Variants in ULK4 observed in about 807,000 individuals in gnomAD.
ULK4 encodes the protein inactive serine/threonine-protein kinase ULK4.
A neutral mutation model predicts 160.6 loss-of-function variants in ULK4; 133 were observed. That is an observed-to-expected ratio of 0.83 (90% CI 0.72 to 0.96). The LOEUF is 0.96. Among genes scored for constraint, ULK4 ranks in the 40% least tolerant of loss-of-function variants. ULK4 has a pLI of 0.00. For synonymous variants in ULK4, 534 were observed against 539.8 expected (o/e 0.99, Z 0.15); for missense variants, 1,580 against 1,499.5 (o/e 1.05, Z -0.89).
chr3:41,795,482 A>G (rs1298488629), intron 20 of ULK4, among the ~76,000 whole-genome samples: 1 of 152,140 alleles, frequency 6.6e-6, no homozygotes, highest in East Asian at 1.9e-4. Flanking sequence ...CTTGCAATCA[A>G]CAGGCCTGGT....
intron 19 of ULK4, among the ~76,000 whole-genome samples, chr3:41,806,084 G>T: frequency 1.4e-5 from 2 of 145,472 alleles, no homozygotes; most frequent in African/African-American, 5.2e-5. Context: ...TGTACCTCTG[G>T]TAGAATTCGG....
At position 41,772,764 on chromosome 3, in the gene ULK4, C is replaced by G. The variant is rs528805195; in HGVS notation, c.2193+16897G>C. 6.3e-4 allele frequency among the ~76,000 whole-genome samples: 96 copies of G among 152,218 alleles called. 1 individual carries two copies. Among genetic ancestry groups the G allele is most frequent in the African/African-American group, 2.0e-3 (85 of 41,532 alleles). On this transcript the variant is annotated intron_variant, in intron 21 of 36. Coordinates refer to ENST00000301831, the MANE Select transcript of ULK4 (RefSeq NM_017886.4). ...ATACCAAAGCCTGGCAGAGACACAA[C>G]CAAAAAAGAGAATTTTAGACCAATA...
intron 16 of ULK4, among the ~76,000 whole-genome samples, chr3:41,887,740 G>A (rs1240739221): frequency 6.7e-6 from 1 of 149,692 alleles, no homozygotes; most frequent in Admixed American, 6.8e-5. Flanking sequence ...AGAATCGCTT[G>A]AACCCAGGAG....
intron 29 of ULK4, among the ~76,000 whole-genome samples, chr3:41,666,811 T>C (rs970737904): frequency 3.9e-5 from 6 of 152,090 alleles, no homozygotes; most frequent in Non-Finnish European, 7.4e-5. Context: ...AGAAAATATA[T>C]CTTAAAATAG....
At chr3:41,649,145 A>T (rs77346763) in intron 30 of ULK4, among the ~76,000 whole-genome samples, 1 of 151,736 alleles carries the variant, frequency 6.6e-6, no homozygotes, top group Non-Finnish European at 1.5e-5. Flanking sequence ...AAAAAAAAAA[A>T]GCCAGAAGAA....
In ULK4 at chr3:41,506,767, A is replaced by AAAAAAAAAAAAAAAAAAATATAT; in HGVS notation, c.3227-43515_3227-43514insATATATTTTTTTTTTTTTTTTTT. On this transcript the variant is annotated intron_variant, in intron 32 of 36. Coordinates refer to ENST00000301831, the MANE Select transcript of ULK4 (RefSeq NM_017886.4). The stretch of plus-strand genomic sequence containing the variant: ...AGCAATACACTGGAGTGTGATTTAA[A>AAAAAAAAAAAAAAAAAAATATAT]ATATATATATATATATATATATATA... Among the ~76,000 whole-genome samples, 25 of 56,792 alleles carry AAAAAAAAAAAAAAAAAAATATAT rather than the reference A, an allele frequency of 4.4e-4. 2 individuals carry two copies. Among genetic ancestry groups the AAAAAAAAAAAAAAAAAAATATAT allele is most frequent in the South Asian group, 1.3e-3 (2 of 1,536 alleles). 37.3% of individuals were successfully genotyped at this position (56,792 alleles called of 152,430 possible).
intron 2 of ULK4, among the ~76,000 whole-genome samples, chr3:41,945,291 C>T (rs1460791134): frequency 1.6e-4 from 25 of 152,214 alleles, no homozygotes; most frequent in Non-Finnish European, 1.5e-5. Context: ...TTACCACTTA[C>T]ATCAGTTTGG....
intron 35 of ULK4, among the ~76,000 whole-genome samples, chr3:41,291,628 TATA>T (rs1313126501): frequency 1.3e-5 from 2 of 152,088 alleles, no homozygotes; most frequent in African/African-American, 4.8e-5. Flanking sequence ...CAAACTATGT[TATA>T]ATCATTTAAT....
chr3:41,551,183 T>C (rs959224962), intron 32 of ULK4, among the ~76,000 whole-genome samples: 2 of 151,666 alleles, frequency 1.3e-5, no homozygotes, highest in African/African-American at 4.8e-5. Context: ...CATTAAAAAG[T>C]AGAAAGATTT....
intron 17 of ULK4, among the ~76,000 whole-genome samples, chr3:41,877,098 A>G (rs530571484): frequency 1.3e-5 from 2 of 152,368 alleles, no homozygotes; most frequent in South Asian, 4.1e-4. Context: ...AATTGAAAAC[A>G]TATGTAACTA....
rs546534983 is a variant in ULK4 at position 41,480,837 on chromosome 3, G to A, written c.3227-17584C>T. Among the ~76,000 whole-genome samples, 7 of 152,260 alleles carry A rather than the reference G, an allele frequency of 4.6e-5. No homozygotes were observed. The South Asian group carries it at 1.2e-3, about 27-fold the overall frequency. On this transcript the variant is annotated intron_variant, in intron 32 of 36. Transcript: ENST00000301831. ...CTTCTTCACATGGCAGTGGCAAGGA[G>A]AAGTGCAGAGTGAAGGGGGTAAGGC...
intron 35 of ULK4, among the ~76,000 whole-genome samples, chr3:41,332,637 T>C (rs192047369): frequency 1.2e-4 from 19 of 152,372 alleles, no homozygotes; most frequent in Admixed American, 5.2e-4. Flanking sequence ...TAAAGAATCT[T>C]ATATTTTTGT....
At chr3:41,549,422 A>G (rs1178794418) in intron 32 of ULK4, among the ~76,000 whole-genome samples, 1 of 152,196 alleles carries the variant, frequency 6.6e-6, no homozygotes, top group Non-Finnish European at 1.5e-5. Flanking sequence ...AATAACTTCA[A>G]TAATAGACCA....
intron 29 of ULK4, among the ~76,000 whole-genome samples, chr3:41,667,518 C>T (rs571845817): frequency 6.6e-6 from 1 of 152,166 alleles, no homozygotes; most frequent in East Asian, 1.9e-4. Context: ...CCTTTGAATG[C>T]AACTTAGCAG....
intron 32 of ULK4, among the ~76,000 whole-genome samples, chr3:41,559,347 T>G (rs1462000096): frequency 7.2e-6 from 1 of 139,692 alleles, no homozygotes; most frequent in Non-Finnish European, 1.6e-5. Flanking sequence ...CGTGTGCATG[T>G]GTCTTCATAG....
intron 18 of ULK4, among the ~76,000 whole-genome samples, chr3:41,834,464 A>G (rs1399846121): frequency 6.6e-6 from 1 of 152,220 alleles, no homozygotes; most frequent in East Asian, 1.9e-4. Context: ...AGTTTTTAAA[A>G]ACAGATGATT....
chr3:41,909,231 AGCCT>A (rs1698688946), intron 11 of ULK4, among the ~76,000 whole-genome samples: 1 of 152,152 alleles, frequency 6.6e-6, no homozygotes, highest in African/African-American at 2.4e-5. Flanking sequence ...ACTGCATTCC[AGCCT>A]GGGCAACAGA....
intron 35 of ULK4, among the ~76,000 whole-genome samples, chr3:41,296,723 T>C (rs1329256501): frequency 2.0e-5 from 3 of 152,038 alleles, no homozygotes; most frequent in African/African-American, 7.2e-5. Context: ...AAGGTCCTCA[T>C]GGCTAGGAGC....
intron 22 of ULK4, among the ~76,000 whole-genome samples, chr3:41,749,867 C>G (rs1004577373): frequency 6.6e-6 from 1 of 152,106 alleles, no homozygotes; most frequent in Non-Finnish European, 1.5e-5. Flanking sequence ...GCCTGCTTCT[C>G]AAGGCATGAG....
Sources: allele counts gnomAD v4.1 joint callset (sites outside exome capture counted in the v4.1 genomes callset), GRCh38; gene constraint gnomAD v4.1.1; transcripts MANE v1.5; gene names NCBI Gene and HGNC (gene_info 2026-07-23, HGNC 2026-07-21).